Variants in HHAT observed in about 807,000 individuals in gnomAD.
HHAT encodes the protein hedgehog acyltransferase, also known as protein-cysteine N-palmitoyltransferase HHAT.
A neutral mutation model predicts 70.8 loss-of-function variants in HHAT; 47 were observed. The ratio of observed to expected loss-of-function variants is 0.66; its 90% confidence interval spans 0.53 to 0.85. The LOEUF (loss-of-function observed/expected upper bound fraction) is 0.85. HHAT is among the 40% of genes least tolerant of loss of function. The pLI is 0.00. For missense variants in HHAT, 609 were observed against 604.8 expected (o/e 1.01, Z -0.07); for synonymous variants, 228 against 247.6 (o/e 0.92, Z 0.74).
At chr1:210,523,578 G>A (rs2095194865) in intron 9 of HHAT, among the ~76,000 whole-genome samples, 1 of 151,280 alleles carries the variant, frequency 6.6e-6, no homozygotes, top group African/African-American at 2.4e-5. Context: ...GGGGACTTTG[G>A]GACCCCTGCT....
At chr1:210,328,808 GCCGCGCTCTGGCCCGCCCCCT>G (rs1266321105), upstream of HHAT, 24 of 377,254 alleles carry the variant, frequency 6.4e-5, no homozygotes, top group Non-Finnish European at 1.1e-4. Flanking sequence ...AGAAACGCAG[GCCGCGCTCTGGCCCGCCCCCT>G]GCAGCAGCAC....
intron 7 of HHAT, among the ~76,000 whole-genome samples, chr1:210,422,668 C>T (rs978985428): frequency 2.0e-5 from 3 of 151,890 alleles, no homozygotes; most frequent in Non-Finnish European, 4.4e-5. Context: ...GACGGAGTCT[C>T]GCTCCATCGC....
chr1:210,583,236 G>C (rs1659664310), intron 9 of HHAT, among the ~76,000 whole-genome samples: 1 of 152,196 alleles, frequency 6.6e-6, no homozygotes, highest in Non-Finnish European at 1.5e-5. Flanking sequence ...GGGGTTTGCT[G>C]TGGTGCATTG....
chr1:210,566,578 T>C (rs1285263653), intron 9 of HHAT, among the ~76,000 whole-genome samples: 1 of 151,800 alleles, frequency 6.6e-6, no homozygotes, highest in Non-Finnish European at 1.5e-5. Context: ...AGCTGATGAG[T>C]GGCAGAACAG....
At position 210,425,046 on chromosome 1, in the gene HHAT, T is replaced by A. The variant is rs1217649639; in HGVS notation, c.856+6721T>A. ...ACTTTTTAATAACAGCCATTCTGAC[T>A]GGTATGAGATAGGATCTCATTGTGG... On this transcript the variant is annotated intron_variant, in intron 7 of 11. Transcript: ENST00000261458. Among the ~76,000 whole-genome samples, 6 of 152,340 alleles carry A rather than the reference T, an allele frequency of 3.9e-5. No individual in the cohort carries two copies. In the East Asian group the frequency reaches 1.2e-3, roughly 29 times the overall value.
intron 11 of HHAT, among the ~76,000 whole-genome samples, chr1:210,636,921 T>C (rs1005247721): frequency 1.3e-5 from 2 of 152,156 alleles, no homozygotes; most frequent in African/African-American, 4.8e-5. Context: ...CAGTGTAGGA[T>C]GGTAGTGGAG....
At chr1:210,654,931 C>A (rs889049988) in intron 11 of HHAT, among the ~76,000 whole-genome samples, 1 of 152,194 alleles carries the variant, frequency 6.6e-6, no homozygotes, top group Non-Finnish European at 1.5e-5. Context: ...AAATTCAGAT[C>A]TAAGCCATAG....
intron 3 of HHAT, among the ~76,000 whole-genome samples, chr1:210,377,764 T>G (rs2090338050): frequency 6.6e-6 from 1 of 152,202 alleles, no homozygotes; most frequent in African/African-American, 2.4e-5. Context: ...CATTTTACAC[T>G]GGACCAATTT....
At chr1:210,605,496 A>G (rs1665207058) in intron 10 of HHAT, among the ~76,000 whole-genome samples, 1 of 152,206 alleles carries the variant, frequency 6.6e-6, no homozygotes, top group Non-Finnish European at 1.5e-5. Context: ...GTCTCCTCTC[A>G]ACCTGTTTAT....
At chr1:210,354,556 C>G (rs1400940393) in intron 2 of HHAT, among the ~76,000 whole-genome samples, 1 of 151,914 alleles carries the variant, frequency 6.6e-6, no homozygotes, top group Non-Finnish European at 1.5e-5. Context: ...GAGACAAGCT[C>G]TCTCTATGTT....
At chr1:210,558,795 G>C (rs1181656761) in intron 9 of HHAT, among the ~76,000 whole-genome samples, 2 of 152,154 alleles carry the variant, frequency 1.3e-5, no homozygotes, top group Admixed American at 1.3e-4. Context: ...TTGAGGCCAG[G>C]CATGCATGGG....
chr1:210,663,241 A>G (rs1292524932), intron 11 of HHAT, among the ~76,000 whole-genome samples: 1 of 152,168 alleles, frequency 6.6e-6, no homozygotes, highest in African/African-American at 2.4e-5. Context: ...GGACCGAGTG[A>G]GTGAGTGCTA....
chr1:210,328,970 G>T lies in HHAT; in HGVS notation c.-178G>T, dbSNP rs2084738901. ...GCTCCTCCAAAGGGCAGCTCCGGGG[G>T]AAAGAGGGTGGCGTCCCGGGGAAGC... On this transcript the variant is annotated 5_prime_UTR_variant, in exon 1 of 12. Transcript: ENST00000261458. The T allele has an allele frequency of 1.5e-6, 2 of 1,308,268 alleles. No homozygotes were observed. Among genetic ancestry groups the T allele is most frequent in the Middle Eastern group, 4.1e-4 (2 of 4,820 alleles). 81.0% of individuals were successfully genotyped at this position (1,308,268 alleles called of 1,614,324 possible). A position where few individuals can be genotyped will look rare whatever the true frequency, so the allele number is the denominator to read the frequency against.
chr1:210,522,904 C>T (rs2095182258), intron 9 of HHAT, among the ~76,000 whole-genome samples: 2 of 152,102 alleles, frequency 1.3e-5, no homozygotes, highest in Non-Finnish European at 2.9e-5. Context: ...AATTGGAAAT[C>T]ACAATTTCTG....
At chr1:210,437,599 T>G (rs2148346137) in intron 7 of HHAT, among the ~76,000 whole-genome samples, 1 of 152,000 alleles carries the variant, frequency 6.6e-6, no homozygotes, top group Non-Finnish European at 1.5e-5. Context: ...CCATTGCAGC[T>G]ACTTTGGTGA....
chr1:210,362,845 TG>T lies in HHAT; in HGVS notation c.92-5del. 1.2e-6 allele frequency: 2 copies of T among 1,611,870 alleles called. No homozygotes were observed. Among genetic ancestry groups the T allele is most frequent in the Admixed American group, 1.7e-5 (1 of 59,900 alleles). On this transcript the variant is annotated splice_polypyrimidine_tract_variant and splice_region_variant and intron_variant, in intron 2 of 11. Coordinates refer to ENST00000261458, the MANE Select transcript of HHAT (RefSeq NM_018194.6). ...GTGACTAACGAAGACTTTTTTTTTTTGGTCAGAACACGAAGAGGAGCTGGAC... is the reference window on the plus strand; with the variant it reads ...GTGACTAACGAAGACTTTTTTTTTTTGTCAGAACACGAAGAGGAGCTGGAC...
intron 7 of HHAT, among the ~76,000 whole-genome samples, chr1:210,437,654 C>T (rs1268529575): frequency 4.0e-5 from 6 of 151,788 alleles, no homozygotes; most frequent in African/African-American, 2.4e-5. Flanking sequence ...CTGATGTGCA[C>T]AGGCCATGCT....
chr1:210,432,235 C>G (rs1480804420), intron 7 of HHAT, among the ~76,000 whole-genome samples: 1 of 151,470 alleles, frequency 6.6e-6, no homozygotes, highest in Non-Finnish European at 1.5e-5. Flanking sequence ...AAAGGACTTC[C>G]TTGAAAAATG....
chr1:210,445,696 C>T (rs2093621148), intron 7 of HHAT, among the ~76,000 whole-genome samples: 1 of 152,162 alleles, frequency 6.6e-6, no homozygotes, highest in Admixed American at 6.5e-5. Flanking sequence ...TTGACATCAG[C>T]AGTGTTTGAG....
Sources: allele counts gnomAD v4.1 joint callset (sites outside exome capture counted in the v4.1 genomes callset), GRCh38; gene constraint gnomAD v4.1.1; transcripts MANE v1.5; gene names NCBI Gene and HGNC (gene_info 2026-07-23, HGNC 2026-07-21).